The following CNTN4 variants were observed in gnomAD, a reference collection of about 807,000 sequenced individuals.
The protein encoded by CNTN4 is contactin-4.
A neutral mutation model predicts 122.5 loss-of-function variants in CNTN4; 77 were observed. The observed-to-expected ratio is 0.63, with a 90% CI of 0.52 to 0.76. The LOEUF (loss-of-function observed/expected upper bound fraction) is 0.76, where lower values mean the gene tolerates loss of function less well. Ranked by LOEUF, CNTN4 falls within the 30% of genes least tolerant of loss-of-function variation. CNTN4 has a pLI of 0.00. For missense variants in CNTN4, 1,256 were observed against 1,259.1 expected (o/e 1.00, Z 0.04); for synonymous variants, 512 against 447.0 (o/e 1.15, Z -1.83).
intron 2 of CNTN4, among the ~76,000 whole-genome samples, chr3:2,294,203 A>G (rs1685446): frequency 0.41 from 62,045 of 151,838 alleles, 12,942 homozygotes; most frequent in East Asian, 0.65. Context: ...AAATCATAAG[A>G]TTTAGGGACC....
intron 2 of CNTN4, among the ~76,000 whole-genome samples, chr3:2,258,649 G>T (rs1018976527): frequency 6.6e-6 from 1 of 152,010 alleles, no homozygotes; most frequent in African/African-American, 2.4e-5. Flanking sequence ...TTCCTGAATT[G>T]CAAATCCTGT....
intron 4 of CNTN4, among the ~76,000 whole-genome samples, chr3:2,638,029 A>G (rs2082740804): frequency 6.6e-6 from 1 of 152,220 alleles, no homozygotes; most frequent in African/African-American, 2.4e-5. Flanking sequence ...ATAGAGGTAG[A>G]TAAATGATAG....
chr3:2,138,110 AG>A, intron 2 of CNTN4, among the ~76,000 whole-genome samples: 1 of 144,062 alleles, frequency 6.9e-6, no homozygotes, highest in Non-Finnish European at 1.5e-5. Context: ...TCTGTTGCTC[AG>A]GCTGAAGTGC....
intron 2 of CNTN4, among the ~76,000 whole-genome samples, chr3:2,149,757 G>A (rs2729016): frequency 0.3 from 45,218 of 151,856 alleles, 7,597 homozygotes; most frequent in South Asian, 0.51. Flanking sequence ...TTAATGTTTA[G>A]TATAAAGGAA....
At chr3:2,396,403 A>G (rs2046642165) in intron 3 of CNTN4, among the ~76,000 whole-genome samples, 1 of 152,170 alleles carries the variant, frequency 6.6e-6, no homozygotes. Context: ...ATCATGTTAA[A>G]GACCCACCGT....
chr3:2,264,957 A>G (rs1293815070), intron 2 of CNTN4, among the ~76,000 whole-genome samples: 3 of 152,022 alleles, frequency 2.0e-5, no homozygotes, highest in African/African-American at 7.2e-5. Context: ...TGGTGCCCCC[A>G]TCACCCAGGC....
chr3:2,870,817 G>A (rs1263731984), intron 8 of CNTN4, among the ~76,000 whole-genome samples: 1 of 152,112 alleles, frequency 6.6e-6, no homozygotes, highest in African/African-American at 2.4e-5. Context: ...CTTGTTTCTT[G>A]GGCATTTCAG....
intron 2 of CNTN4, among the ~76,000 whole-genome samples, chr3:2,173,702 A>G (rs754821300): frequency 2.3e-5 from 3 of 129,278 alleles, no homozygotes; most frequent in African/African-American, 7.9e-5. Context: ...ATTTGGTTCG[A>G]CTTGAACACT....
chr3:2,195,004 A>G lies in CNTN4; in HGVS notation c.-145+94365A>G, dbSNP rs184295275. 2.6e-5 allele frequency among the ~76,000 whole-genome samples: 4 copies of G among 152,250 alleles called. No homozygotes were observed. The East Asian group carries it at 7.7e-4, about 29-fold the overall frequency. On this transcript the variant is annotated intron_variant, in intron 2 of 24. Coordinates refer to ENST00000418658, the MANE Select transcript of CNTN4 (RefSeq NM_175607.3). The stretch of plus-strand genomic sequence containing the variant: ...TTGTAGTCACCTTGCTGTGCGGTAG[A>G]TCTCAAAACCTATTCTTCCTCCAGT...
At chr3:2,672,349 A>G (rs184895858) in intron 4 of CNTN4, among the ~76,000 whole-genome samples, 1 of 152,252 alleles carries the variant, frequency 6.6e-6, no homozygotes, top group Non-Finnish European at 1.5e-5. Context: ...GCTGCCTTGC[A>G]GTTTGATCTC....
At chr3:2,743,129 C>T (rs74648097) in intron 5 of CNTN4, among the ~76,000 whole-genome samples, 9,747 of 152,110 alleles carry the variant, frequency 0.064, 361 homozygotes, top group African/African-American at 0.11. Context: ...ACTCACATGG[C>T]CCCACTCCTA....
At chr3:2,207,634 A>G (rs2038419657) in intron 2 of CNTN4, among the ~76,000 whole-genome samples, 1 of 152,106 alleles carries the variant, frequency 6.6e-6, no homozygotes, top group Admixed American at 6.6e-5. Flanking sequence ...AAACATTTGA[A>G]GCTAGCAGAG....
chr3:2,667,759 G>A (rs6805343), intron 4 of CNTN4, among the ~76,000 whole-genome samples: 42,750 of 120,764 alleles, frequency 0.35, 9,158 homozygotes, highest in South Asian at 0.47. Flanking sequence ...ATCTTGAATT[G>A]ATTTTTGTAT....
chr3:2,490,339 T>C (rs1367680640), intron 3 of CNTN4, among the ~76,000 whole-genome samples: 1 of 152,236 alleles, frequency 6.6e-6, no homozygotes, highest in Non-Finnish European at 1.5e-5. Context: ...ACCACCTAGT[T>C]AGTCTCCAAC....
At chr3:3,010,138 G>T (rs1391987536) in intron 14 of CNTN4, among the ~76,000 whole-genome samples, 1 of 151,906 alleles carries the variant, frequency 6.6e-6, no homozygotes, top group Admixed American at 6.6e-5. Flanking sequence ...ACCTACCTCT[G>T]TATTACCTGC....
chr3:3,020,558 T>C (rs2018016), intron 14 of CNTN4, among the ~76,000 whole-genome samples: 15,690 of 152,124 alleles, frequency 0.1, 882 homozygotes, highest in African/African-American at 0.15. Flanking sequence ...TAGCAGAACT[T>C]GGCATCCCCT....
chr3:2,762,983 G>T (rs11720395), intron 6 of CNTN4, among the ~76,000 whole-genome samples: 1 of 136,666 alleles, frequency 7.3e-6, no homozygotes, highest in Non-Finnish European at 1.5e-5. Context: ...GCTGTGTCGC[G>T]CAGGCTGGAG....
At chr3:2,951,577 C>T (rs570791415) in intron 13 of CNTN4, among the ~76,000 whole-genome samples, 60 of 152,276 alleles carry the variant, frequency 3.9e-4, no homozygotes, top group African/African-American at 1.4e-3. Flanking sequence ...GTGCATAATT[C>T]GTCTAAACTT....
At chr3:3,054,655 G>A (rs1701616858) in intron 24 of CNTN4, among the ~76,000 whole-genome samples, 1 of 152,166 alleles carries the variant, frequency 6.6e-6, no homozygotes, top group Admixed American at 6.5e-5. Context: ...AGCCAAATCC[G>A]TGGAGACAGA....
Sources: gnomAD v4.1 joint callset for allele counts (sites outside exome capture counted in the v4.1 genomes callset) on GRCh38, gnomAD v4.1.1 for gene constraint, MANE v1.5 for transcripts, NCBI Gene and HGNC (gene_info 2026-07-23, HGNC 2026-07-21) for gene names.